The following HAUS1 variants were observed in gnomAD, a reference collection of about 807,000 sequenced individuals.
The protein encoded by HAUS1 is HAUS augmin like complex subunit 1, also known as HAUS augmin-like complex subunit 1.
Under a neutral mutation model 38.6 loss-of-function variants are expected in HAUS1, and 25 were observed. That is an observed-to-expected ratio of 0.65 (90% CI 0.47 to 0.91). The LOEUF is 0.91. Ranked by LOEUF, HAUS1 falls within the 40% of genes least tolerant of loss-of-function variation. HAUS1 has a pLI of 0.00. For synonymous variants in HAUS1, 109 were observed against 112.9 expected, an observed-to-expected ratio of 0.97 and a Z score of 0.22; for missense variants, 325 against 328.4, an observed-to-expected ratio of 0.99 and a Z score of 0.08.
chr18:46,105,756 G>T (rs1911455046), intron 2 of HAUS1, among the ~76,000 whole-genome samples: 1 of 151,734 alleles, frequency 6.6e-6, no homozygotes, highest in Non-Finnish European at 1.5e-5. Flanking sequence ...TAATTTTTGT[G>T]TTTTAGTAAA....
rs77932944 is a variant in HAUS1 at position 46,119,966 on chromosome 18, C to T, written c.382C>T (p.Arg128Cys). ...AVNDLTSDLFRTKSKSEEIKI... is the reference protein window; with the variant it reads ...AVNDLTSDLFCTKSKSEEIKI... ...GAATGATTTGACCTCTGATCTCTTT[C>T]GTACCAAATCCAAAAGTGAAGAAAT... The change falls in exon 4 of 9, where the codon CGT becomes TGT. Residue 128 changes from arginine to cysteine, a missense_variant. Arg to Cys is a radical substitution (Grantham distance 180). Coordinates refer to ENST00000282058, the MANE Select transcript of HAUS1 (RefSeq NM_138443.4). 1,588 of 1,608,628 alleles carry T rather than the reference C, an allele frequency of 9.9e-4. 16 individuals are homozygous for T. The African/African-American group carries it at 0.019, about 19-fold the overall frequency.
At chr18:46,126,452 C>T (rs1912107382) in intron 8 of HAUS1, among the ~76,000 whole-genome samples, 3 of 151,972 alleles carry the variant, frequency 2.0e-5, no homozygotes, top group Non-Finnish European at 4.4e-5. Context: ...TGATAAAGTC[C>T]GGCTGCTTAG....
chr18:46,116,737 G>A (rs966636745), intron 2 of HAUS1, among the ~76,000 whole-genome samples: 9 of 152,064 alleles, frequency 5.9e-5, no homozygotes, highest in African/African-American at 1.7e-4. Flanking sequence ...GCTAGGCTGG[G>A]CACAGTGGCT....
intron 6 of HAUS1, among the ~76,000 whole-genome samples, chr18:46,123,819 C>T (rs866633054): frequency 2.6e-5 from 4 of 152,118 alleles, no homozygotes; most frequent in African/African-American, 2.4e-5. Flanking sequence ...TTATTCTTAA[C>T]GTTTTTCATA....
intron 2 of HAUS1, among the ~76,000 whole-genome samples, chr18:46,114,571 A>G (rs1028983232): frequency 2.0e-5 from 3 of 152,178 alleles, no homozygotes; most frequent in Admixed American, 6.5e-5. Flanking sequence ...GCCTTACTCA[A>G]GGAGCTTCCA....
intron 2 of HAUS1, among the ~76,000 whole-genome samples, chr18:46,111,891 T>C (rs1226138137): frequency 4.0e-5 from 6 of 150,412 alleles, no homozygotes; most frequent in Admixed American, 4.0e-4. Flanking sequence ...TTTTCTTTTT[T>C]TTTTTTTTTT....
intron 7 of HAUS1, 63 bp from the exon 8 acceptor site, chr18:46,125,681 A>G (rs1022756673): frequency 1.7e-6 from 2 of 1,151,042 alleles, no homozygotes; most frequent in Non-Finnish European, 1.3e-6. Context: ...TTATGGCATT[A>G]TTTTTCTCCT....
rs562674819 is a variant in HAUS1 at position 46,104,471 on chromosome 18, C to A, written c.30+30C>A. 1.4e-4 allele frequency: 210 copies of A among 1,460,518 alleles called. No individual in the cohort carries two copies. In the South Asian group the frequency reaches 2.6e-3, roughly 18 times the overall value. 90.5% of individuals were successfully genotyped at this position (1,460,518 alleles called of 1,614,324 possible). A position where few individuals can be genotyped will look rare whatever the true frequency, so the allele number is the denominator to read the frequency against. On this transcript the variant is annotated intron_variant, in intron 1 of 8. Transcript: ENST00000282058. ...TGGGGCGGGAATGGGGATCGTTGGCCTCCTGGAAAACGCGTTTTTGACACC... is the reference window on the plus strand; with the variant it reads ...TGGGGCGGGAATGGGGATCGTTGGCATCCTGGAAAACGCGTTTTTGACACC...
intron 2 of HAUS1, chr18:46,106,965 A>G (rs1038498155): frequency 1.3e-5 from 2 of 152,174 alleles, no homozygotes; most frequent in Non-Finnish European, 2.9e-5. Context: ...AAGTGAGCAG[A>G]TATCACACCA....
chr18:46,113,511 A>ATTTC (rs74834400), intron 2 of HAUS1, among the ~76,000 whole-genome samples: 151,920 of 152,240 alleles, frequency 1, 75,801 homozygotes, highest in East Asian at 1. Flanking sequence ...TTTTCTTACA[A>ATTTC]TTTCTCTTCA....
At chr18:46,108,574 A>G (rs1281781587) in intron 2 of HAUS1, among the ~76,000 whole-genome samples, 1 of 152,176 alleles carries the variant, frequency 6.6e-6, no homozygotes, top group Non-Finnish European at 1.5e-5. Context: ...ATTTACAAGT[A>G]CAAATTTCCC....
intron 3 of HAUS1, among the ~76,000 whole-genome samples, chr18:46,119,189 A>G (rs925720327): frequency 1.3e-5 from 2 of 152,172 alleles, no homozygotes; most frequent in Non-Finnish European, 1.5e-5. Context: ...TATTAATACA[A>G]CTTATCATAA....
chr18:46,124,381 C>T (rs968165758), intron 6 of HAUS1, among the ~76,000 whole-genome samples: 2 of 140,690 alleles, frequency 1.4e-5, no homozygotes, highest in Non-Finnish European at 3.0e-5. Context: ...CGTGCCACTG[C>T]ACTCCAGCCT....
chr18:46,117,729 G>A (rs924050496), intron 2 of HAUS1, among the ~76,000 whole-genome samples: 9 of 152,070 alleles, frequency 5.9e-5, no homozygotes. Context: ...CGGATCACGA[G>A]GTCAGGAGTT....
intron 2 of HAUS1, among the ~76,000 whole-genome samples, chr18:46,108,212 T>C (rs1911525919): frequency 6.6e-6 from 1 of 151,812 alleles, no homozygotes; most frequent in Non-Finnish European, 1.5e-5. Flanking sequence ...CACCATTAAG[T>C]GTAATGTTAG....
chr18:46,119,935 T>C lies in HAUS1; in HGVS notation c.351T>C (p.Pro117=), dbSNP rs745791422. 1.2e-6 allele frequency: 2 copies of C among 1,600,664 alleles called. No homozygotes were observed. Among genetic ancestry groups the C allele is most frequent in the African/African-American group, 1.4e-5 (1 of 74,022 alleles). Reference sequence around the variant, plus strand: ...CAGATTCTTCTTTTAGTTTTATCCCTGCAGTGAATGATTTGACCTCTGATC... The same window carrying C: ...CAGATTCTTCTTTTAGTTTTATCCCCGCAGTGAATGATTTGACCTCTGATC... The part of the protein sequence containing the change: ...TKDTSLASFI[P]AVNDLTSDLF... The change falls in exon 4 of 9, where the codon CCT becomes CCC. Residue 117 remains proline (P), a synonymous_variant. Coordinates refer to ENST00000282058, the MANE Select transcript of HAUS1 (RefSeq NM_138443.4).
In HAUS1 at chr18:46,127,335, A is replaced by G. The variant is rs368425205; in HGVS notation, c.787-740A>G. On this transcript the variant is annotated intron_variant, in intron 8 of 8. Coordinates refer to ENST00000282058, the MANE Select transcript of HAUS1 (RefSeq NM_138443.4). ...TTATTCTGTAGCCACTGTTGAGGGT[A>G]GATTGGGAGAAAGAAAATTGCAGAA... Among the ~76,000 whole-genome samples, 3 of 152,022 alleles carry G rather than the reference A, an allele frequency of 2.0e-5. No homozygotes were observed. In the East Asian group the frequency reaches 5.8e-4, roughly 29 times the overall value.
Position 46,118,305 on chromosome 18 carries a change from C to T in HAUS1, c.330C>T (p.Thr110=). 6.2e-7 allele frequency: 1 copy of T among 1,613,542 alleles called. No homozygotes were observed. The change falls in exon 3 of 9, where the codon ACC becomes ACT. Residue 110 remains threonine, a synonymous_variant. Transcript: ENST00000282058. ...DSAVALETKD[T]SLASFIPAVN... is the part of the protein sequence containing the mutation. ...CGGTGGCCCTTGAAACAAAGGATACCTCGCTAGCTAGGTAATTCTTATGAC... is the reference window on the plus strand; with the variant it reads ...CGGTGGCCCTTGAAACAAAGGATACTTCGCTAGCTAGGTAATTCTTATGAC...
chr18:46,112,958 A>ATGTG (rs1292964291), intron 2 of HAUS1, among the ~76,000 whole-genome samples: 9 of 83,434 alleles, frequency 1.1e-4, no homozygotes, highest in African/African-American at 4.0e-4. Context: ...AATATATATA[A>ATGTG]TATGTATATA....
Sources: allele counts gnomAD v4.1 joint callset (sites outside exome capture counted in the v4.1 genomes callset), GRCh38; gene constraint gnomAD v4.1.1; transcripts MANE v1.5; gene names NCBI Gene and HGNC (gene_info 2026-07-23, HGNC 2026-07-21).